NPEPPS: variants seen among roughly 807,000 people sequenced by gnomAD.
The protein encoded by NPEPPS is puromycin-sensitive aminopeptidase.
Under a neutral mutation model 115.5 loss-of-function variants are expected in NPEPPS, and 14 were observed. The ratio of observed to expected loss-of-function variants is 0.12; its 90% CI spans 0.08 to 0.19. NPEPPS has a LOEUF of 0.19. NPEPPS is among the 10% of genes least tolerant of loss of function. The pLI, the probability that NPEPPS is intolerant of heterozygous loss-of-function variation, is 1.00. For synonymous variants in NPEPPS, 285 were observed against 390.6 expected (o/e 0.73, Z 3.19); for missense variants, 523 against 1,110.8 (o/e 0.47, Z 7.52).
chr17:47,605,964 G>A (rs967869034), intron 17 of NPEPPS, among the ~76,000 whole-genome samples: 6 of 151,988 alleles, frequency 3.9e-5, no homozygotes, highest in African/African-American at 7.3e-5. Flanking sequence ...CGCAACCTCC[G>A]CTTCCCAGGT....
intron 17 of NPEPPS, among the ~76,000 whole-genome samples, chr17:47,607,367 A>G (rs1913579391): frequency 6.6e-6 from 1 of 152,198 alleles, no homozygotes; most frequent in South Asian, 2.1e-4. Flanking sequence ...CAGCAAGTAC[A>G]AAAGACCTGA....
At chr17:47,577,956 A>G (rs1480067901) in intron 3 of NPEPPS, among the ~76,000 whole-genome samples, 2 of 152,242 alleles carry the variant, frequency 1.3e-5, no homozygotes, top group Non-Finnish European at 2.9e-5. Flanking sequence ...CTGTAATCCC[A>G]GCACTTAGGG....
chr17:47,548,134 T>C (rs1176960392), intron 2 of NPEPPS: 1 of 152,174 alleles, frequency 6.6e-6, no homozygotes, highest in Non-Finnish European at 1.5e-5. Context: ...AAAAGAAGTT[T>C]CATTTTAAGG....
chr17:47,544,795 G>A (rs1020808472), intron 1 of NPEPPS, among the ~76,000 whole-genome samples: 3 of 136,718 alleles, frequency 2.2e-5, no homozygotes, highest in African/African-American at 8.2e-5. Flanking sequence ...CCCATTGCAA[G>A]CTCACCTCCT....
intron 2 of NPEPPS, among the ~76,000 whole-genome samples, chr17:47,564,037 A>G (rs866633486): frequency 1.3e-5 from 2 of 151,818 alleles, no homozygotes; most frequent in Middle Eastern, 6.8e-3. Context: ...GGTTCAAGCG[A>G]TTCTCCTGCC....
At chr17:47,545,475 TCA>T in intron 1 of NPEPPS, among the ~76,000 whole-genome samples, 1 of 152,108 alleles carries the variant, frequency 6.6e-6, no homozygotes, top group African/African-American at 2.4e-5. Flanking sequence ...GCATAAATTC[TCA>T]GTCTAGGTTT....
intron 2 of NPEPPS, among the ~76,000 whole-genome samples, chr17:47,556,389 C>T (rs374274715): frequency 4.0e-5 from 6 of 151,874 alleles, no homozygotes; most frequent in Non-Finnish European, 5.9e-5. Context: ...CAGAGAGCAC[C>T]GGGTTGGGGG....
At chr17:47,566,319 C>G (rs1474693882) in intron 2 of NPEPPS, among the ~76,000 whole-genome samples, 1 of 151,772 alleles carries the variant, frequency 6.6e-6, no homozygotes, top group East Asian at 1.9e-4. Context: ...ATAGCCTAGT[C>G]TAATGGATGT....
In NPEPPS at chr17:47,535,989, G is replaced by A. The variant is rs377412424; in HGVS notation, c.255+4434G>A. On this transcript the variant is annotated intron_variant, in intron 1 of 22. Coordinates refer to ENST00000322157, the MANE Select transcript of NPEPPS (RefSeq NM_006310.4). Reference sequence around the variant, plus strand: ...GTAGCTGGGACTACAGGCACGCGCCGCCATGCCTGGCTGATTTTTTTGTAT... The same window carrying A: ...GTAGCTGGGACTACAGGCACGCGCCACCATGCCTGGCTGATTTTTTTGTAT... Among the ~76,000 whole-genome samples the A allele has an allele frequency of 1.8e-4, 27 of 151,468 alleles. 1 individual carries two copies. The East Asian group carries it at 3.5e-3, about 20-fold the overall frequency.
intron 17 of NPEPPS, among the ~76,000 whole-genome samples, chr17:47,606,608 A>G (rs1913532576): frequency 6.6e-6 from 1 of 151,716 alleles, no homozygotes; most frequent in Non-Finnish European, 1.5e-5. Flanking sequence ...ACGCCTGCCT[A>G]ATTTTTGTAT....
intron 17 of NPEPPS, among the ~76,000 whole-genome samples, chr17:47,609,039 G>A (rs982188021): frequency 2.6e-5 from 4 of 151,184 alleles, no homozygotes; most frequent in Admixed American, 1.3e-4. Flanking sequence ...TCAGAGAAAA[G>A]GGGTAGATGA....
chr17:47,592,859 C>T (rs1377557611), intron 12 of NPEPPS, among the ~76,000 whole-genome samples: 1 of 152,046 alleles, frequency 6.6e-6, no homozygotes, highest in African/African-American at 2.4e-5. Flanking sequence ...CACCCATTAA[C>T]TCGTCATTTA....
intron 18 of NPEPPS, among the ~76,000 whole-genome samples, chr17:47,612,851 C>T (rs1033391510): frequency 5.3e-5 from 8 of 151,958 alleles, no homozygotes; most frequent in Non-Finnish European, 7.4e-5. Context: ...TCAGTAGAGA[C>T]GAGGTTTCGC....
At chr17:47,610,828 T>G (rs948479203) in intron 17 of NPEPPS, among the ~76,000 whole-genome samples, 1 of 149,792 alleles carries the variant, frequency 6.7e-6, no homozygotes, top group African/African-American at 2.5e-5. Context: ...GTGAAATTGC[T>G]GAGTCATATG....
At chr17:47,534,294 T>G (rs1328325134) in intron 1 of NPEPPS, among the ~76,000 whole-genome samples, 4 of 152,062 alleles carry the variant, frequency 2.6e-5, no homozygotes, top group Non-Finnish European at 5.9e-5. Context: ...GGTTTTACTG[T>G]GGTCTCGACC....
At chr17:47,532,112 A>T (rs114696662) in intron 1 of NPEPPS, among the ~76,000 whole-genome samples, 40 of 152,014 alleles carry the variant, frequency 2.6e-4, no homozygotes, top group African/African-American at 9.4e-4. Context: ...GAGAACGAGA[A>T]TGTTAATCCC....
chr17:47,616,472 T>A (rs965595298), intron 19 of NPEPPS, among the ~76,000 whole-genome samples: 1 of 151,732 alleles, frequency 6.6e-6, no homozygotes, highest in African/African-American at 2.4e-5. Context: ...GATCACAAGG[T>A]CAGGAGTTCA....
chr17:47,621,940 G>C lies in NPEPPS; in HGVS notation c.*20G>C. On this transcript the variant is annotated 3_prime_UTR_variant, in exon 23 of 23. Transcript: ENST00000322157. ...GTGTGAATCCTGAGGTGCCGCCATT[G>C]GCGGTTCTGCTGCTTCGCTGCAGGG... is the stretch of plus-strand genomic sequence containing the variant. 2 of 1,597,908 alleles carry C rather than the reference G, an allele frequency of 1.3e-6. No individual in the cohort carries two copies. The highest frequency in any genetic ancestry group is 1.7e-6 in the Non-Finnish European group (2 of 1,170,624).
rs1908864001 is a variant in NPEPPS at position 47,542,804 on chromosome 17, A to G, written c.256-3105A>G. Reference sequence around the variant, plus strand: ...TGAATTTGAAGTTTTGTTTAAAACAACAAAATAAATGCATATAAGCAAGGT... The same window carrying G: ...TGAATTTGAAGTTTTGTTTAAAACAGCAAAATAAATGCATATAAGCAAGGT... On this transcript the variant is annotated intron_variant, in intron 1 of 22. Coordinates refer to ENST00000322157, the MANE Select transcript of NPEPPS (RefSeq NM_006310.4). 2.6e-5 allele frequency among the ~76,000 whole-genome samples: 4 copies of G among 152,198 alleles called. No homozygotes were observed. In the South Asian group the frequency reaches 6.2e-4, roughly 24 times the overall value.
Sources: allele counts gnomAD v4.1 joint callset (sites outside exome capture counted in the v4.1 genomes callset), GRCh38; gene constraint gnomAD v4.1.1; transcripts MANE v1.5; gene names NCBI Gene and HGNC (gene_info 2026-07-23, HGNC 2026-07-21).